The following TRIM60 variants were observed in gnomAD, a reference collection of about 807,000 sequenced individuals.
The protein encoded by TRIM60 is tripartite motif containing 60, also known as tripartite motif-containing protein 60.
For synonymous variants in TRIM60, 189 were observed against 195.2 expected (o/e 0.97, Z 0.27); for missense variants, 524 against 540.8 (o/e 0.97, Z 0.31).
In TRIM60 at chr4:165,040,259, A is replaced by C. The variant is rs1178416540; in HGVS notation, c.187A>C (p.Lys63Gln). Residue 63 changes from lysine to glutamine, a missense_variant, in exon 3 of 3, where the codon AAG becomes CAG. Transcript: ENST00000512596. The stretch of plus-strand genomic sequence containing the variant: ...TGTCTGCCGTTTTTGCTTTCCATAC[A>C]AGAGCTTCAGGAGGAACCCCCAGCT... ...CPVCRFCFPY[K>Q]SFRRNPQLRN... 2 of 1,614,124 alleles carry C rather than the reference A, an allele frequency of 1.2e-6. No individual in the cohort carries two copies. Among genetic ancestry groups the C allele is most frequent in the African/African-American group, 2.7e-5 (2 of 75,008 alleles).
Position 165,041,056 on chromosome 4 carries a change from T to G in TRIM60, c.984T>G (p.Tyr328Ter). 6.2e-7 allele frequency: 1 copy of G among 1,614,078 alleles called. No individual in the cohort carries two copies. The highest frequency in any genetic ancestry group is 8.5e-7 in the Non-Finnish European group (1 of 1,180,008). Residue 328 changes from tyrosine (Y) to a stop codon, truncating the protein, a stop_gained, in exon 3 of 3, where the codon TAT becomes TAG. Transcript: ENST00000512596. LOFTEE classifies it low-confidence loss of function (END_TRUNC). The part of the protein sequence containing the change: ...RYERKKRNIC[Y>*]DPRRFYVCPA... ...AAAGAAAAAAACGAAACATTTGTTA[T>G]GACCCAAGGAGATTTTATGTCTGCC...
rs769022566 is a variant in TRIM60 at position 165,041,408 on chromosome 4, G to T, written c.1336G>T (p.Glu446Ter). The T allele has an allele frequency of 1.2e-6, 2 of 1,612,834 alleles. No individual in the cohort carries two copies. Among genetic ancestry groups the T allele is most frequent in the South Asian group, 1.1e-5 (1 of 90,984 alleles). The change falls in exon 3 of 3, where the codon GAA becomes TAA. Residue 446 changes from glutamate to a stop codon, truncating the protein, a stop_gained. Transcript: ENST00000512596. LOFTEE classifies it low-confidence loss of function (END_TRUNC). The stretch of plus-strand genomic sequence containing the variant: ...CTATACTTTTAACGATTGTTTCACA[G>T]AAGCCGTTTGGCCTTATTTCTATAC... ...ILYTFNDCFT[E>*]AVWPYFYTGT... is the part of the protein sequence containing the mutation.
At chr4:165,038,908 T>C (rs980825489) in intron 1 of TRIM60, among the ~76,000 whole-genome samples, 1 of 151,676 alleles carries the variant, frequency 6.6e-6, no homozygotes, top group African/African-American at 2.4e-5. Context: ...ACCAAAACTA[T>C]GAAAATTAGC....
Position 165,041,721 on chromosome 4 carries a change from C to T in TRIM60, c.*233C>T. 2.8e-6 allele frequency: 1 copy of T among 357,572 alleles called. No homozygotes were observed. Among genetic ancestry groups the T allele is most frequent in the Non-Finnish European group, 5.2e-6 (1 of 193,222 alleles). 22.1% of individuals were successfully genotyped at this position (357,572 alleles called of 1,614,324 possible). A position where few individuals can be genotyped will look rare whatever the true frequency, so the allele number is the denominator to read the frequency against. On this transcript the variant is annotated 3_prime_UTR_variant, in exon 3 of 3. Coordinates refer to ENST00000512596, the MANE Select transcript of TRIM60 (RefSeq NM_152620.3). The stretch of plus-strand genomic sequence containing the variant: ...TTTAGAATTATGTTACTTAACATGT[C>T]CAATAAAATGTTTTCAAATTGCCTA...
At position 165,041,052 on chromosome 4, in the gene TRIM60, G is replaced by C. The variant is rs1021956991; in HGVS notation, c.980G>C (p.Cys327Ser). 1 of 1,613,944 alleles carries C rather than the reference G, an allele frequency of 6.2e-7. No homozygotes were observed. Among genetic ancestry groups the C allele is most frequent in the African/African-American group, 1.3e-5 (1 of 74,924 alleles). Residue 327 changes from cysteine to serine, a missense_variant, in exon 3 of 3, where the codon TGT becomes TCT. Transcript: ENST00000512596. ...VRYERKKRNI[C>S]YDPRRFYVCP... Reference sequence around the variant, plus strand: ...TATGAAAGAAAAAAACGAAACATTTGTTATGACCCAAGGAGATTTTATGTC... The same window carrying C: ...TATGAAAGAAAAAAACGAAACATTTCTTATGACCCAAGGAGATTTTATGTC...
At chr4:165,036,879 C>T (rs954397891) in intron 1 of TRIM60, among the ~76,000 whole-genome samples, 6 of 129,724 alleles carry the variant, frequency 4.6e-5, no homozygotes, top group African/African-American at 1.8e-4. Flanking sequence ...GAGACTCTGT[C>T]TCAAAAAAAA....
In TRIM60 at chr4:165,038,916, AGCC is replaced by A. The variant is rs570716255; in HGVS notation, c.-56-284_-56-282del. 7.3e-3 allele frequency among the ~76,000 whole-genome samples: 1,113 copies of A among 152,094 alleles called. 5 individuals carry two copies. The highest frequency in any genetic ancestry group is 0.011 in the Non-Finnish European group (776 of 67,976). ...CGTCTCTACCAAAACTATGAAAATTAGCCAGGCGTGGTGGTAGGCGCCTTAATC... is the reference window on the plus strand; with the variant it reads ...CGTCTCTACCAAAACTATGAAAATTAAGGCGTGGTGGTAGGCGCCTTAATC... On this transcript the variant is annotated intron_variant, in intron 1 of 2. Coordinates refer to ENST00000512596, the MANE Select transcript of TRIM60 (RefSeq NM_152620.3).
rs368764761 is a variant in TRIM60 at position 165,032,045 on chromosome 4, C to T, written c.-124C>T. 1 of 152,390 alleles carries T rather than the reference C, an allele frequency of 6.6e-6. No homozygotes were observed. The highest frequency in any genetic ancestry group is 6.5e-5 in the Admixed American group (1 of 15,290). 9.4% of individuals were successfully genotyped at this position (152,390 alleles called of 1,614,324 possible). A position where few individuals can be genotyped will look rare whatever the true frequency, so the allele number is the denominator to read the frequency against. ...CCAGGGTTGTGTGAGGGTTTCCGCT[C>T]TGCGCCCCGCGGGGTTCCATGGGTC... On this transcript the variant is annotated 5_prime_UTR_variant, in exon 1 of 3. Transcript: ENST00000512596.
intron 2 of TRIM60, 47 bp downstream of exon 2, chr4:165,039,299 T>G (rs1733692873): frequency 6.6e-6 from 1 of 152,304 alleles, no homozygotes; most frequent in South Asian, 2.1e-4. Context: ...TAGAGTAAAA[T>G]TTTGAGAATG....
chr4:165,038,250 T>A (rs1733667812), intron 1 of TRIM60, among the ~76,000 whole-genome samples: 1 of 152,236 alleles, frequency 6.6e-6, no homozygotes, highest in South Asian at 2.1e-4. Context: ...TCAGGAAGCC[T>A]AACTTTGATG....
intron 1 of TRIM60, among the ~76,000 whole-genome samples, chr4:165,036,144 G>A (rs930116613): frequency 5.3e-5 from 8 of 152,158 alleles, no homozygotes; most frequent in African/African-American, 1.7e-4. Context: ...ACCTTCTAAG[G>A]GTGGCAGTCT....
At chr4:165,038,108 G>C (rs1241958365) in intron 1 of TRIM60, among the ~76,000 whole-genome samples, 1 of 152,118 alleles carries the variant, frequency 6.6e-6, no homozygotes, top group East Asian at 1.9e-4. Flanking sequence ...CAGCAGATAG[G>C]ATTTGTGAGG....
At chr4:165,033,905 G>T (rs979784453) in intron 1 of TRIM60, among the ~76,000 whole-genome samples, 3 of 152,132 alleles carry the variant, frequency 2.0e-5, no homozygotes, top group Non-Finnish European at 4.4e-5. Flanking sequence ...AGGAAGTCAG[G>T]CCCCAACTCT....
chr4:165,040,908 T>G lies in TRIM60; in HGVS notation c.836T>G (p.Leu279Arg). The change falls in exon 3 of 3, where the codon CTT becomes CGT. Residue 279 changes from leucine (L) to arginine (R), a missense_variant. By Grantham distance (102) the Leu-to-Arg change is moderately radical (BLOSUM62 -2). Transcript: ENST00000512596. ...AGATTAACAAAATATGGTTTCAGTC[T>G]TCCTCCTCAATATTCTGGCTTGGAC... The part of the protein sequence containing the change: ...SFRLTKYGFS[L>R]PPQYSGLDRI... 6.2e-7 allele frequency: 1 copy of G among 1,613,076 alleles called. No homozygotes were observed. Among genetic ancestry groups the G allele is most frequent in the South Asian group, 1.1e-5 (1 of 90,958 alleles).
chr4:165,041,136 A>C lies in TRIM60; in HGVS notation c.1064A>C (p.Glu355Ala). 6.2e-7 allele frequency: 1 copy of C among 1,614,208 alleles called. No homozygotes were observed. Among genetic ancestry groups the C allele is most frequent in the Non-Finnish European group, 8.5e-7 (1 of 1,180,032 alleles). Residue 355 changes from glutamate (E) to alanine (A), a missense_variant, in exon 3 of 3, where the codon GAA (glutamate) becomes GCA (alanine). Transcript: ENST00000512596. ...FSSGRHYWEV[E>A]VGNKPKWILG... ...TCTGGCCGACATTACTGGGAAGTAG[A>C]AGTGGGAAACAAACCTAAATGGATA... is the stretch of plus-strand genomic sequence containing the variant.
chr4:165,041,399 T>G lies in TRIM60; in HGVS notation c.1327T>G (p.Cys443Gly). 6.2e-7 allele frequency: 1 copy of G among 1,613,282 alleles called. No homozygotes were observed. The highest frequency in any genetic ancestry group is 2.2e-5 in the East Asian group (1 of 44,876). ...GTCTATTCTCTATACTTTTAACGAT[T>G]GTTTCACAGAAGCCGTTTGGCCTTA... ...DRSILYTFND[C>G]FTEAVWPYFY... The change falls in exon 3 of 3, where the codon TGT becomes GGT. Residue 443 changes from cysteine (C) to glycine (G), a missense_variant. Coordinates refer to ENST00000512596, the MANE Select transcript of TRIM60 (RefSeq NM_152620.3).
intron 1 of TRIM60, among the ~76,000 whole-genome samples, chr4:165,033,747 A>G (rs1017618591): frequency 6.6e-6 from 1 of 152,242 alleles, no homozygotes; most frequent in African/African-American, 2.4e-5. Flanking sequence ...TGATTTGTAC[A>G]GAGGTGACCA....
At chr4:165,034,625 G>T (rs756998350) in intron 1 of TRIM60, among the ~76,000 whole-genome samples, 6 of 152,190 alleles carry the variant, frequency 3.9e-5, no homozygotes, top group Non-Finnish European at 8.8e-5. Flanking sequence ...CAAGGATTAG[G>T]AGCTTTTGCA....
At chr4:165,038,887 A>C (rs1297492267) in intron 1 of TRIM60, among the ~76,000 whole-genome samples, 2 of 151,298 alleles carry the variant, frequency 1.3e-5, no homozygotes, top group Non-Finnish European at 2.9e-5. Flanking sequence ...CCAGCATGAA[A>C]CCCCGTCTCT....
Sources: allele counts gnomAD v4.1 joint callset (sites outside exome capture counted in the v4.1 genomes callset), GRCh38; gene constraint gnomAD v4.1.1; transcripts MANE v1.5; gene names NCBI Gene and HGNC (gene_info 2026-07-23, HGNC 2026-07-21).